The following ZNF560 variants were observed in gnomAD, a reference collection of about 807,000 sequenced individuals.
The protein encoded by ZNF560 is zinc finger protein 560.
Under a neutral mutation model 81.8 loss-of-function variants are expected in ZNF560, and 54 were observed. That is an observed-to-expected ratio of 0.66 (90% CI 0.53 to 0.83). The LOEUF (loss-of-function observed/expected upper bound fraction) is 0.83. Among genes scored for constraint, ZNF560 ranks in the 40% least tolerant of loss-of-function variants. The pLI is 0.00. For missense variants in ZNF560, 940 were observed against 932.4 expected, an observed-to-expected ratio of 1.01 and a Z score of -0.11; for synonymous variants, 321 against 317.9, an observed-to-expected ratio of 1.01 and a Z score of -0.10.
At chr19:9,474,463 G>A in intron 3 of ZNF560, 138 bp from the exon 4 acceptor site, 3 of 931,006 alleles carry the variant, frequency 3.2e-6, no homozygotes, top group Middle Eastern at 4.7e-4. Flanking sequence ...ATAATCCCAG[G>A]TAAATCTCAG....
the ZNF560 span, among the ~76,000 whole-genome samples, chr19:9,448,030 A>G: frequency 6.6e-6 from 1 of 152,328 alleles, no homozygotes; most frequent in East Asian, 1.9e-4. Flanking sequence ...GAGAAACCCT[A>G]CAAGCCAGAA....
intron 2 of ZNF560, among the ~76,000 whole-genome samples, chr19:9,492,761 T>C (rs1329319965): frequency 6.6e-6 from 1 of 152,154 alleles, no homozygotes; most frequent in African/African-American, 2.4e-5. Context: ...GATACTACTA[T>C]CTCACCACAG....
chr19:9,471,405 T>A, intron 5 of ZNF560, 27 bp from the exon 6 acceptor site: 1 of 1,430,532 alleles, frequency 7.0e-7, no homozygotes. Flanking sequence ...AACTGAGGTT[T>A]TTTTTTTTTT....
At position 9,478,871 on chromosome 19, in the gene ZNF560, C is replaced by A. The variant is rs73501853; in HGVS notation, c.-56-3502G>T. ...ACAAAGAATATAAAAAAAAACCCCA[C>A]AAAACTTAACGAGCCAGGTGCAGTG... On this transcript the variant is annotated intron_variant, in intron 2 of 9. Coordinates refer to ENST00000301480, the MANE Select transcript of ZNF560 (RefSeq NM_152476.3). 2.6e-3 allele frequency among the ~76,000 whole-genome samples: 401 copies of A among 151,964 alleles called. 1 individual carries two copies. The highest frequency in any genetic ancestry group is 9.4e-3 in the African/African-American group (391 of 41,400).
chr19:9,485,896 G>A (rs1353308200), intron 2 of ZNF560, among the ~76,000 whole-genome samples: 1 of 152,096 alleles, frequency 6.6e-6, no homozygotes, highest in African/African-American at 2.4e-5. Flanking sequence ...AGGGGAAGAG[G>A]GATCAAGTAC....
chr19:9,458,509 T>A, the ZNF560 span, among the ~76,000 whole-genome samples: 1 of 152,238 alleles, frequency 6.6e-6, no homozygotes, highest in Admixed American at 6.5e-5. Context: ...TGATTCTTCA[T>A]ATGTGGTTCT....
At chr19:9,461,087 GGAAAC>G in the ZNF560 span, among the ~76,000 whole-genome samples, 1 of 150,748 alleles carries the variant, frequency 6.6e-6, no homozygotes, top group Non-Finnish European at 1.5e-5. Context: ...AAGGATTTGT[GGAAAC>G]TATTAATAGC....
At position 9,467,499 on chromosome 19, in the gene ZNF560, G is replaced by A. The variant is rs2073045539; in HGVS notation, c.1448C>T (p.Thr483Ile). The A allele has an allele frequency of 2.5e-6, 4 of 1,614,054 alleles. No individual in the cohort carries two copies. Among genetic ancestry groups the A allele is most frequent in the Non-Finnish European group, 3.4e-6 (4 of 1,180,026 alleles). The change falls in exon 10 of 10, where the codon ACA (threonine) becomes ATA (isoleucine). Residue 483 changes from threonine (T) to isoleucine (I), a missense_variant. Thr to Ile is a moderately conservative substitution (Grantham distance 89). Coordinates refer to ENST00000301480, the MANE Select transcript of ZNF560 (RefSeq NM_152476.3). ...SGVIEDRRSN[T>I]GQKRFDCDQC... ...GTCACAATCAAAGCGTTTCTGTCCT[G>A]TGTTACTTCTTCTATCTTCAATAAC...
the ZNF560 span, among the ~76,000 whole-genome samples, chr19:9,450,787 C>T: frequency 1.2e-4 from 18 of 152,180 alleles, no homozygotes; most frequent in Non-Finnish European, 2.5e-4. Flanking sequence ...GCCTCAGCCT[C>T]CCAAAGTGCT....
downstream of ZNF560, among the ~76,000 whole-genome samples, chr19:9,464,723 G>A (rs1366037487): frequency 6.6e-6 from 1 of 152,206 alleles, no homozygotes; most frequent in Non-Finnish European, 1.5e-5. Flanking sequence ...CTTTAGGTCA[G>A]TTGTAACCCA....
At chr19:9,473,528 A>G (rs183316375) in intron 4 of ZNF560, among the ~76,000 whole-genome samples, 84 of 152,160 alleles carry the variant, frequency 5.5e-4, no homozygotes, top group African/African-American at 1.9e-3. Flanking sequence ...CAGTGAGCCG[A>G]GATCATGCCA....
At chr19:9,459,983 G>C in the ZNF560 span, among the ~76,000 whole-genome samples, 3 of 145,782 alleles carry the variant, frequency 2.1e-5, no homozygotes, top group Non-Finnish European at 3.0e-5. Context: ...CCCTTCTACC[G>C]ACACAGAAAG....
Position 9,466,401 on chromosome 19 carries a change from G to A in ZNF560, c.*173C>T, listed in dbSNP as rs1170134435. 1.8e-6 allele frequency: 1 copy of A among 567,430 alleles called. No individual in the cohort carries two copies. Among genetic ancestry groups the A allele is most frequent in the East Asian group, 3.0e-5 (1 of 33,884 alleles). 35.1% of individuals were successfully genotyped at this position (567,430 alleles called of 1,614,324 possible). A position where few individuals can be genotyped will look rare whatever the true frequency, so the allele number is the denominator to read the frequency against. On this transcript the variant is annotated 3_prime_UTR_variant, in exon 10 of 10. Coordinates refer to ENST00000301480, the MANE Select transcript of ZNF560 (RefSeq NM_152476.3). ...TTTTCCTACATCCCTTACATTTACA[G>A]GGTTTCTCTACAGTGTGAGTTTGTA... is the stretch of plus-strand genomic sequence containing the variant.
chr19:9,494,121 A>G (rs1031447057), intron 2 of ZNF560, among the ~76,000 whole-genome samples: 13 of 134,956 alleles, frequency 9.6e-5, no homozygotes, highest in Non-Finnish European at 1.2e-4. Flanking sequence ...AAAGAGTGAG[A>G]CTCCATCTCA....
the ZNF560 span, among the ~76,000 whole-genome samples, chr19:9,460,250 C>T: frequency 6.6e-6 from 1 of 152,182 alleles, no homozygotes; most frequent in Non-Finnish European, 1.5e-5. Context: ...GAGCAACACT[C>T]ATCGAAAGCA....
At chr19:9,456,623 C>T in the ZNF560 span, among the ~76,000 whole-genome samples, 1 of 152,196 alleles carries the variant, frequency 6.6e-6, no homozygotes, top group South Asian at 2.1e-4. Context: ...TCAATCATAT[C>T]TCTACATCAC....
the ZNF560 span, among the ~76,000 whole-genome samples, chr19:9,505,640 G>C: frequency 6.6e-6 from 1 of 152,070 alleles, no homozygotes; most frequent in Non-Finnish European, 1.5e-5. Flanking sequence ...TTGATTTTTA[G>C]AGTGAATCAT....
chr19:9,470,285 A>G (rs2073100834), intron 7 of ZNF560, 107 bp downstream of exon 7: 13 of 1,460,294 alleles, frequency 8.9e-6, no homozygotes, highest in Non-Finnish European at 1.1e-5. Context: ...TTCAGTGTGT[A>G]TATATCCCAC....
At position 9,473,171 on chromosome 19, in the gene ZNF560, A is replaced by G. The variant is rs2073148769; in HGVS notation, c.238+8T>C. 1 of 1,612,586 alleles carries G rather than the reference A, an allele frequency of 6.2e-7. No homozygotes were observed. On this transcript the variant is annotated splice_region_variant and intron_variant, in intron 5 of 9. Coordinates refer to ENST00000301480, the MANE Select transcript of ZNF560 (RefSeq NM_152476.3). The stretch of plus-strand genomic sequence containing the variant: ...CACTGACCAAGGTTGTTCTTCACAA[A>G]TACTCACCTTGGAGAACTCCTTGCT...
Sources: gnomAD v4.1 joint callset for allele counts (sites outside exome capture counted in the v4.1 genomes callset) on GRCh38, gnomAD v4.1.1 for gene constraint, MANE v1.5 for transcripts, NCBI Gene and HGNC (gene_info 2026-07-23, HGNC 2026-07-21) for gene names.